Variants in SDK1 observed in about 807,000 individuals in gnomAD.
The protein encoded by SDK1 is protein sidekick-1.
A neutral mutation model predicts 245.5 loss-of-function variants in SDK1; 157 were observed. That is an observed-to-expected ratio of 0.64 (90% CI 0.56 to 0.73). The LOEUF (loss-of-function observed/expected upper bound fraction) is 0.73, where lower values mean the gene tolerates loss of function less well. SDK1 is among the 30% of genes least tolerant of loss of function. The pLI, the probability that SDK1 is intolerant of heterozygous loss-of-function variation, is 0.00. For synonymous variants in SDK1, 1,647 were observed against 1,278.5 expected, an observed-to-expected ratio of 1.29 and a Z score of -6.15; for missense variants, 3,583 against 3,002.3, an observed-to-expected ratio of 1.19 and a Z score of -4.52.
At chr7:3,440,128 G>C (rs1185589338) in intron 1 of SDK1, among the ~76,000 whole-genome samples, 1 of 152,164 alleles carries the variant, frequency 6.6e-6, no homozygotes, top group African/African-American at 2.4e-5. Flanking sequence ...TAATTCATCA[G>C]TTTTAAATTG....
At chr7:3,654,137 C>T (rs1345125590) in intron 4 of SDK1, among the ~76,000 whole-genome samples, 1 of 152,092 alleles carries the variant, frequency 6.6e-6, no homozygotes, top group Non-Finnish European at 1.5e-5. Flanking sequence ...GAGCCATGGG[C>T]AGCCCCTGTG....
intron 1 of SDK1, among the ~76,000 whole-genome samples, chr7:3,431,035 A>C (rs1184071834): frequency 6.6e-6 from 1 of 152,024 alleles, no homozygotes; most frequent in East Asian, 1.9e-4. Context: ...TGAATAGCTG[A>C]GACTACAGGC....
rs528147534 is a variant in SDK1, at chr7:3,576,810, A to G, written c.299-42270A>G. Among the ~76,000 whole-genome samples, 3 of 152,134 alleles carry G rather than the reference A, an allele frequency of 2.0e-5. No homozygotes were observed. The South Asian group carries it at 6.2e-4, about 32-fold the overall frequency. ...TGCTTCCTTGATTCAGGCAGAAGGTATTTACTTGTAAATTATATACAGTGC... is the reference window on the plus strand; with the variant it reads ...TGCTTCCTTGATTCAGGCAGAAGGTGTTTACTTGTAAATTATATACAGTGC... On this transcript the variant is annotated intron_variant, in intron 1 of 44. Transcript: ENST00000404826.
At chr7:3,406,004 G>A (rs1303711498) in intron 1 of SDK1, among the ~76,000 whole-genome samples, 1 of 151,856 alleles carries the variant, frequency 6.6e-6, no homozygotes. Context: ...GTGGAGACAG[G>A]GTTTCGCCAT....
At chr7:4,175,415 C>G (rs1782136083) in intron 33 of SDK1, among the ~76,000 whole-genome samples, 1 of 152,234 alleles carries the variant, frequency 6.6e-6, no homozygotes, top group Non-Finnish European at 1.5e-5. Flanking sequence ...GCCGGGGCTC[C>G]CTGCGTGAGC....
At chr7:3,399,678 G>T (rs191484148) in intron 1 of SDK1, among the ~76,000 whole-genome samples, 2 of 152,076 alleles carry the variant, frequency 1.3e-5, no homozygotes, top group East Asian at 1.9e-4. Flanking sequence ...TGAAATCTCT[G>T]TTGGGTTTGA....
intron 32 of SDK1, among the ~76,000 whole-genome samples, chr7:4,165,638 C>T (rs747177794): frequency 6.6e-6 from 1 of 152,154 alleles, no homozygotes; most frequent in Non-Finnish European, 1.5e-5. Context: ...TACAGGCCTG[C>T]ACCACCATAC....
At chr7:3,875,566 C>G (rs1416256119) in intron 5 of SDK1, among the ~76,000 whole-genome samples, 1 of 152,214 alleles carries the variant, frequency 6.6e-6, no homozygotes, top group Admixed American at 6.5e-5. Flanking sequence ...TAGGCGTCCC[C>G]TCTTTATCCC....
rs186713357 is a variant in SDK1, at chr7:3,449,902, A to G, written c.298+148018A>G. ...AGGTTACATCATTGCAGAACTGTTT[A>G]TTAACAATTAGCCACGTGTCCAGGA... On this transcript the variant is annotated intron_variant, in intron 1 of 44. Transcript: ENST00000404826. Among the ~76,000 whole-genome samples, 115 of 152,310 alleles carry G rather than the reference A, an allele frequency of 7.6e-4. 1 individual carries two copies. The highest frequency in any genetic ancestry group is 4.9e-3 in the Admixed American group (75 of 15,294).
At chr7:3,733,589 T>G (rs1327599713) in intron 4 of SDK1, among the ~76,000 whole-genome samples, 1 of 152,190 alleles carries the variant, frequency 6.6e-6, no homozygotes, top group Non-Finnish European at 1.5e-5. Flanking sequence ...AGGTCTGTGT[T>G]TACCTCTAGC....
At chr7:3,583,101 A>G (rs1283126455) in intron 1 of SDK1, among the ~76,000 whole-genome samples, 2 of 152,172 alleles carry the variant, frequency 1.3e-5, no homozygotes, top group Non-Finnish European at 2.9e-5. Flanking sequence ...CTGATGTTGG[A>G]GACCGGAGGT....
At chr7:3,485,548 T>C (rs1030442577) in intron 1 of SDK1, among the ~76,000 whole-genome samples, 1 of 152,102 alleles carries the variant, frequency 6.6e-6, no homozygotes, top group Non-Finnish European at 1.5e-5. Flanking sequence ...CCTACCCCTT[T>C]AAATGCATCT....
intron 8 of SDK1, among the ~76,000 whole-genome samples, chr7:3,961,326 A>G (rs924465552): frequency 5.9e-5 from 9 of 152,200 alleles, no homozygotes; most frequent in African/African-American, 2.2e-4. Flanking sequence ...GTGACAGGAA[A>G]CATAATTAAG....
intron 4 of SDK1, among the ~76,000 whole-genome samples, chr7:3,799,794 C>G (rs1001296288): frequency 6.6e-6 from 1 of 151,504 alleles, no homozygotes; most frequent in East Asian, 1.9e-4. Flanking sequence ...AGTTTACTTG[C>G]TCCTCCAAAT....
At chr7:3,561,791 G>T (rs922416895) in intron 1 of SDK1, among the ~76,000 whole-genome samples, 1 of 152,158 alleles carries the variant, frequency 6.6e-6, no homozygotes, top group Non-Finnish European at 1.5e-5. Context: ...CAAGCAAGCT[G>T]AATAAATTTC....
chr7:3,639,055 G>A lies in SDK1; in HGVS notation c.510G>A (p.Val170=). The A allele has an allele frequency of 1.9e-6, 3 of 1,605,136 alleles. No individual in the cohort carries two copies. The highest frequency in any genetic ancestry group is 2.6e-6 in the Non-Finnish European group (3 of 1,173,336). The change falls in exon 3 of 45, where the codon GTG becomes GTA. Residue 170 remains valine, a synonymous_variant. Transcript: ENST00000404826. The part of the protein sequence containing the change: ...QKLDAGFYRC[V]VRNRMGALLQ... ...TCGATGCTGGGTTTTACCGCTGCGT[G>A]GTGCGAAACAGAATGGGAGCACTCC...
At chr7:4,108,622 A>G (rs1783113657) in intron 22 of SDK1, among the ~76,000 whole-genome samples, 1 of 150,362 alleles carries the variant, frequency 6.7e-6, no homozygotes, top group African/African-American at 2.5e-5. Context: ...TCTCTACCAA[A>G]TATTTTGGCC....
In SDK1 at chr7:3,781,130, A is replaced by G. The variant is rs188141983; in HGVS notation, c.714-40320A>G. ...GAATCATGAATTTCCTAAGGAACAT[A>G]GCCTCTGGTCTGCTTGTCCCAAGCA... On this transcript the variant is annotated intron_variant, in intron 4 of 44. Coordinates refer to ENST00000404826, the MANE Select transcript of SDK1 (RefSeq NM_152744.4). 9.4e-4 allele frequency among the ~76,000 whole-genome samples: 143 copies of G among 152,230 alleles called. 1 individual carries two copies. The highest frequency in any genetic ancestry group is 3.4e-3 in the African/African-American group (140 of 41,550).
intron 4 of SDK1, among the ~76,000 whole-genome samples, chr7:3,743,855 C>G (rs1216042671): frequency 6.6e-6 from 1 of 152,146 alleles, no homozygotes; most frequent in Non-Finnish European, 1.5e-5. Context: ...CACAAGTTAG[C>G]AGCTATCTGC....
Sources: gnomAD v4.1 joint callset for allele counts (sites outside exome capture counted in the v4.1 genomes callset) on GRCh38, gnomAD v4.1.1 for gene constraint, MANE v1.5 for transcripts, NCBI Gene and HGNC (gene_info 2026-07-23, HGNC 2026-07-21) for gene names.